Variants in PTPRT observed in about 807,000 individuals in gnomAD.
PTPRT encodes the protein protein tyrosine phosphatase receptor type T.
A neutral mutation model predicts 176.8 loss-of-function variants in PTPRT; 56 were observed. The ratio of observed to expected loss-of-function variants is 0.32; its 90% CI spans 0.26 to 0.40. The LOEUF (loss-of-function observed/expected upper bound fraction) is 0.40, where lower values mean the gene tolerates loss of function less well. PTPRT is among the 10% of genes least tolerant of loss of function. The probability of loss-of-function intolerance (pLI) is 1.00; values close to 1 mark genes in which losing one functional copy is unlikely to be tolerated. For synonymous variants in PTPRT, 783 were observed against 739.0 expected (o/e 1.06, Z -0.96); for missense variants, 1,540 against 1,908.2 (o/e 0.81, Z 3.60).
chr20:42,793,841 C>T (rs1333968366), intron 2 of PTPRT, among the ~76,000 whole-genome samples: 3 of 152,130 alleles, frequency 2.0e-5, no homozygotes, highest in African/African-American at 7.2e-5. Context: ...TCACAAGCCC[C>T]ACAAAGGGTT....
intron 23 of PTPRT, among the ~76,000 whole-genome samples, chr20:42,108,095 A>G (rs1568938146): frequency 6.6e-6 from 1 of 152,162 alleles, no homozygotes. Context: ...ATGCTTTAGT[A>G]TAAAGAATCA....
intron 15 of PTPRT, among the ~76,000 whole-genome samples, chr20:42,206,530 C>T (rs538564285): frequency 9.9e-4 from 151 of 152,320 alleles, no homozygotes; most frequent in African/African-American, 3.5e-3. Flanking sequence ...CGGACGGCAC[C>T]TGGAAAATCG....
chr20:42,305,542 T>C (rs953159074), intron 12 of PTPRT, among the ~76,000 whole-genome samples: 36 of 152,160 alleles, frequency 2.4e-4, no homozygotes, highest in African/African-American at 8.7e-4. Flanking sequence ...TACCCAAGTG[T>C]TTCCACCAAA....
chr20:42,490,228 CTATA>C (rs368262899), intron 7 of PTPRT, among the ~76,000 whole-genome samples: 1 of 151,186 alleles, frequency 6.6e-6, no homozygotes, highest in African/African-American at 2.4e-5. Context: ...TTTTTCCCCT[CTATA>C]TATATTTATT....
intron 1 of PTPRT, among the ~76,000 whole-genome samples, chr20:42,916,224 A>T (rs564965618): frequency 6.9e-6 from 1 of 145,110 alleles, no homozygotes; most frequent in East Asian, 2.1e-4. Context: ...GTTTGGTTTT[A>T]TGTCCTTGCG....
chr20:42,102,099 A>C (rs1326369723), intron 26 of PTPRT, 25 bp downstream of exon 26: 9 of 1,600,150 alleles, frequency 5.6e-6, no homozygotes, highest in Non-Finnish European at 6.0e-6. Flanking sequence ...GCCAGCTAGG[A>C]GCTTTCTGCC....
At chr20:42,731,475 T>C (rs1288679317) in intron 6 of PTPRT, among the ~76,000 whole-genome samples, 1 of 152,160 alleles carries the variant, frequency 6.6e-6, no homozygotes, top group South Asian at 2.1e-4. Flanking sequence ...GCACTACCCA[T>C]GTACAGCCGC....
intron 1 of PTPRT, among the ~76,000 whole-genome samples, chr20:43,020,676 C>T (rs900022938): frequency 2.0e-5 from 3 of 152,130 alleles, no homozygotes; most frequent in African/African-American, 4.8e-5. Context: ...TCTGAGATAC[C>T]GCTCCCATGC....
intron 17 of PTPRT, among the ~76,000 whole-genome samples, chr20:42,158,025 G>C (rs970610180): frequency 6.6e-6 from 1 of 152,096 alleles, no homozygotes; most frequent in African/African-American, 2.4e-5. Flanking sequence ...CCCAGCCTTG[G>C]AGACTTCCTA....
At chr20:42,121,266 A>T (rs1407353599) in intron 19 of PTPRT, among the ~76,000 whole-genome samples, 4 of 152,218 alleles carry the variant, frequency 2.6e-5, no homozygotes, top group Non-Finnish European at 5.9e-5. Context: ...GTTGGCACCA[A>T]TCCAGGGGCA....
Position 42,878,825 on chromosome 20 carries a change from G to T in PTPRT, c.214+6982C>A, listed in dbSNP as rs187321428. ...GGGCGGATCATGAGGTCAGGAGATTGAGACCATCCTGGCTAACATGGTGAA... is the reference window on the plus strand; with the variant it reads ...GGGCGGATCATGAGGTCAGGAGATTTAGACCATCCTGGCTAACATGGTGAA... On this transcript the variant is annotated intron_variant, in intron 2 of 30. Transcript: ENST00000373187. Among the ~76,000 whole-genome samples, 379 of 152,232 alleles carry T rather than the reference G, an allele frequency of 2.5e-3. 1 individual carries two copies. The highest frequency in any genetic ancestry group is 8.6e-3 in the African/African-American group (359 of 41,538).
At chr20:42,208,177 G>A (rs1374132970) in intron 15 of PTPRT, among the ~76,000 whole-genome samples, 5 of 108,240 alleles carry the variant, frequency 4.6e-5, no homozygotes, top group East Asian at 2.2e-4. Context: ...GGTACCAGCT[G>A]CTGCAAAATC....
intron 12 of PTPRT, among the ~76,000 whole-genome samples, chr20:42,288,649 G>C (rs6030110): frequency 6.6e-6 from 1 of 151,874 alleles, no homozygotes; most frequent in Non-Finnish European, 1.5e-5. Flanking sequence ...AATTTTCTTA[G>C]GATAATGGCT....
chr20:42,507,369 G>A (rs894257325), intron 7 of PTPRT, among the ~76,000 whole-genome samples: 2 of 152,060 alleles, frequency 1.3e-5, no homozygotes, highest in Admixed American at 6.6e-5. Flanking sequence ...CCATGGAGAT[G>A]AGACATATGT....
Position 42,084,761 on chromosome 20 carries a change from G to A in PTPRT, c.4057C>T (p.Leu1353=), listed in dbSNP as rs1353800915. 6.4e-7 allele frequency: 1 copy of A among 1,564,736 alleles called. No homozygotes were observed. The highest frequency in any genetic ancestry group is 8.7e-7 in the Non-Finnish European group (1 of 1,151,830). ...YRDTPPSKRS[L]LKVVRRLEKW... The stretch of plus-strand genomic sequence containing the variant: ...TCCAGTCGTCGGACCACTTTGAGCA[G>A]AGAGCGCTTGGAGGGGGGCGTGTCC... The change falls in exon 29 of 31, where the codon CTG becomes TTG. Residue 1353 remains leucine, a synonymous_variant. Coordinates refer to ENST00000373187, the MANE Select transcript of PTPRT (RefSeq NM_007050.6).
At chr20:42,687,070 T>C (rs1005633513) in intron 6 of PTPRT, 14 of 152,156 alleles carry the variant, frequency 9.2e-5, no homozygotes, top group African/African-American at 3.4e-4. Context: ...TTTAGAACAG[T>C]TCCTACACGT....
intron 16 of PTPRT, among the ~76,000 whole-genome samples, chr20:42,163,452 A>T (rs919772817): frequency 1.6e-4 from 24 of 152,220 alleles, no homozygotes; most frequent in African/African-American, 5.3e-4. Context: ...AATAGCTAGT[A>T]CATGTTCACT....
intron 1 of PTPRT, among the ~76,000 whole-genome samples, chr20:42,991,358 C>A (rs538813137): frequency 1.8e-4 from 27 of 152,056 alleles, no homozygotes; most frequent in African/African-American, 5.5e-4. Flanking sequence ...AACTGCTCAC[C>A]TCTGCTGTTG....
chr20:42,330,244 G>A (rs1226817964), intron 11 of PTPRT, among the ~76,000 whole-genome samples: 2 of 152,180 alleles, frequency 1.3e-5, no homozygotes, highest in African/African-American at 4.8e-5. Flanking sequence ...GCTGAGGTGG[G>A]CGGATCACCT....
Sources: gnomAD v4.1 joint callset for allele counts (sites outside exome capture counted in the v4.1 genomes callset) on GRCh38, gnomAD v4.1.1 for gene constraint, MANE v1.5 for transcripts, NCBI Gene and HGNC (gene_info 2026-07-23, HGNC 2026-07-21) for gene names.